SUGCT: variants seen among roughly 807,000 people sequenced by gnomAD.
The protein encoded by SUGCT is succinyl-CoA:glutarate-CoA transferase, also known as succinyl-CoA:glutarate CoA-transferase.
A neutral mutation model predicts 55.0 loss-of-function variants in SUGCT; 41 were observed. The observed-to-expected ratio is 0.74, with a 90% CI of 0.58 to 0.97. The LOEUF (loss-of-function observed/expected upper bound fraction) is 0.97, where lower values mean the gene tolerates loss of function less well. Ranked by LOEUF, SUGCT falls within the 50% of genes least tolerant of loss-of-function variation. SUGCT has a pLI of 0.00. For synonymous variants in SUGCT, 187 were observed against 200.4 expected, an observed-to-expected ratio of 0.93 and a Z score of 0.56; for missense variants, 568 against 547.8, an observed-to-expected ratio of 1.04 and a Z score of -0.37.
At chr7:40,943,550 G>A in the SUGCT span, among the ~76,000 whole-genome samples, 842 of 148,916 alleles carry the variant, frequency 5.7e-3, 8 homozygotes, top group African/African-American at 0.02. Flanking sequence ...TTGTCCTTGC[G>A]ATAGTTTACT....
intron 13 of SUGCT, among the ~76,000 whole-genome samples, chr7:40,843,979 C>G (rs1182042507): frequency 6.6e-6 from 1 of 151,980 alleles, no homozygotes; most frequent in African/African-American, 2.4e-5. Flanking sequence ...CGGCCCGCAG[C>G]TCTAAACCCA....
Position 40,188,542 on chromosome 7 carries a change from G to T in SUGCT, c.274G>T (p.Glu92Ter), listed in dbSNP as rs1045518931. The T allele has an allele frequency of 6.2e-7, 1 of 1,608,612 alleles. No homozygotes were observed. Among genetic ancestry groups the T allele is most frequent in the African/African-American group, 1.3e-5 (1 of 74,324 alleles). The part of the protein sequence containing the change: ...RTWGPPFVGT[E>*]STYYLSVNRN... Reference sequence around the variant, plus strand: ...TTGGGGGCCACCTTTTGTTGGGACAGAAAGTACATATTATCTCAGTGTTAA... The same window carrying T: ...TTGGGGGCCACCTTTTGTTGGGACATAAAGTACATATTATCTCAGTGTTAA... The change falls in exon 4 of 14, where the codon GAA (glutamate) becomes TAA (stop). Residue 92 changes from glutamate (E) to a stop codon, truncating the protein, a stop_gained. Coordinates refer to ENST00000335693, the MANE Select transcript of SUGCT (RefSeq NM_001193313.2). LOFTEE classifies it high-confidence loss of function.
At chr7:40,315,382 C>T (rs1010825335) in intron 8 of SUGCT, among the ~76,000 whole-genome samples, 1 of 152,230 alleles carries the variant, frequency 6.6e-6, no homozygotes, top group Non-Finnish European at 1.5e-5. Flanking sequence ...CCCCAGGCAG[C>T]CCTGGAATGC....
At chr7:40,232,110 A>G (rs1488339802) in intron 6 of SUGCT, among the ~76,000 whole-genome samples, 1 of 152,176 alleles carries the variant, frequency 6.6e-6, no homozygotes, top group African/African-American at 2.4e-5. Flanking sequence ...CAATCAATCA[A>G]TCAGTCAATC....
chr7:40,583,480 C>G (rs570936896), intron 12 of SUGCT, among the ~76,000 whole-genome samples: 1 of 152,006 alleles, frequency 6.6e-6, no homozygotes, highest in African/African-American at 2.4e-5. Context: ...AATATGTCTT[C>G]CCTGGAATTG....
At chr7:40,676,647 C>T (rs771451568) in intron 12 of SUGCT, among the ~76,000 whole-genome samples, 3 of 151,840 alleles carry the variant, frequency 2.0e-5, no homozygotes, top group Non-Finnish European at 4.4e-5. Flanking sequence ...GGATTACAGG[C>T]ATGCACCACC....
chr7:41,034,167 G>A, the SUGCT span, among the ~76,000 whole-genome samples: 5 of 152,168 alleles, frequency 3.3e-5, no homozygotes, highest in Non-Finnish European at 4.4e-5. Flanking sequence ...TTGTCATGGT[G>A]TTGAGAGCAT....
At chr7:40,879,801 T>A in the SUGCT span, among the ~76,000 whole-genome samples, 1 of 152,220 alleles carries the variant, frequency 6.6e-6, no homozygotes, top group Non-Finnish European at 1.5e-5. Context: ...TCTCTCCATG[T>A]GTCTTGTTTT....
At chr7:41,006,971 A>G in the SUGCT span, among the ~76,000 whole-genome samples, 1 of 152,224 alleles carries the variant, frequency 6.6e-6, no homozygotes, top group Non-Finnish European at 1.5e-5. Flanking sequence ...GATGGGCTCT[A>G]TCACAACATA....
chr7:40,915,140 A>C, the SUGCT span, among the ~76,000 whole-genome samples: 4,128 of 152,260 alleles, frequency 0.027, 184 homozygotes, highest in African/African-American at 0.091. Context: ...ATAATGACCC[A>C]CATTCTTAAG....
chr7:41,028,699 C>T, the SUGCT span, among the ~76,000 whole-genome samples: 12 of 152,200 alleles, frequency 7.9e-5, no homozygotes, highest in Non-Finnish European at 1.3e-4. Context: ...TATGGGACCA[C>T]CTTTCTATGT....
intron 6 of SUGCT, among the ~76,000 whole-genome samples, chr7:40,229,657 A>C (rs1788604753): frequency 6.6e-6 from 1 of 151,548 alleles, no homozygotes; most frequent in Non-Finnish European, 1.5e-5. Flanking sequence ...TACTAAAAAT[A>C]CAAAAATTAG....
chr7:40,977,246 G>C, the SUGCT span, among the ~76,000 whole-genome samples: 1 of 152,202 alleles, frequency 6.6e-6, no homozygotes, highest in African/African-American at 2.4e-5. Flanking sequence ...AGGTTGCAAT[G>C]TCAATAATAA....
At chr7:40,473,861 G>T (rs1227211310) in intron 11 of SUGCT, among the ~76,000 whole-genome samples, 1 of 152,046 alleles carries the variant, frequency 6.6e-6, no homozygotes, top group East Asian at 1.9e-4. Flanking sequence ...AGAGTCCTTG[G>T]GTGGCTGACA....
intron 12 of SUGCT, among the ~76,000 whole-genome samples, chr7:40,709,308 A>G (rs1415051517): frequency 6.6e-6 from 1 of 152,264 alleles, no homozygotes; most frequent in African/African-American, 2.4e-5. Context: ...GTAATTACAC[A>G]ACAATTAGTC....
intron 9 of SUGCT, among the ~76,000 whole-genome samples, chr7:40,416,176 G>C (rs1422933912): frequency 6.6e-6 from 1 of 151,348 alleles, no homozygotes; most frequent in South Asian, 2.1e-4. Flanking sequence ...GGTTTTTTTT[G>C]TTGAACTATC....
chr7:40,943,249 C>A, the SUGCT span, among the ~76,000 whole-genome samples: 1 of 151,020 alleles, frequency 6.6e-6, no homozygotes, highest in Non-Finnish European at 1.5e-5. Flanking sequence ...CCTTCCCCCC[C>A]TTGAAGATGT....
At chr7:40,539,436 G>A (rs1794553540) in intron 12 of SUGCT, 1 of 152,198 alleles carries the variant, frequency 6.6e-6, no homozygotes, top group African/African-American at 2.4e-5. Flanking sequence ...AATTCATGCT[G>A]TGTAGTCCAG....
chr7:40,708,188 G>A (rs745784384), intron 12 of SUGCT, among the ~76,000 whole-genome samples: 11 of 152,100 alleles, frequency 7.2e-5, no homozygotes, highest in Non-Finnish European at 1.5e-4. Context: ...CAGTACTAAC[G>A]TCAACATTGG....
Sources: allele counts gnomAD v4.1 joint callset (sites outside exome capture counted in the v4.1 genomes callset), GRCh38; gene constraint gnomAD v4.1.1; transcripts MANE v1.5; gene names NCBI Gene and HGNC (gene_info 2026-07-23, HGNC 2026-07-21).